The following ACTN1 variants were observed in gnomAD, a reference collection of about 807,000 sequenced individuals.
ACTN1 encodes the protein actinin alpha 1.
Under a neutral mutation model 119.6 loss-of-function variants are expected in ACTN1, and 30 were observed. The ratio of observed to expected loss-of-function variants is 0.25; its 90% CI spans 0.19 to 0.34. The LOEUF (loss-of-function observed/expected upper bound fraction) is 0.34. ACTN1 is among the 10% of genes least tolerant of loss of function. ACTN1 has a pLI of 1.00. For missense variants in ACTN1, 764 were observed against 1,223.4 expected, an observed-to-expected ratio of 0.62 and a Z score of 5.60; for synonymous variants, 429 against 472.6, an observed-to-expected ratio of 0.91 and a Z score of 1.20.
In ACTN1 at chr14:68,882,431, A is replaced by C; in HGVS notation, c.1953+27T>G. On this transcript the variant is annotated intron_variant, in intron 16 of 21. Transcript: ENST00000394419. This position sits in a 1 kb window ranked among gnomAD's most constrained non-coding sequence, Gnocchi z 4.5. ...GTCGGGGGGGAGGGGTGGGAGCCCC[A>C]GCACTGCTTCCCAGCATGGGACCCA... is the stretch of plus-strand genomic sequence containing the variant. 1 of 1,611,870 alleles carries C rather than the reference A, an allele frequency of 6.2e-7. No individual in the cohort carries two copies. Among genetic ancestry groups the C allele is most frequent in the Non-Finnish European group, 8.5e-7 (1 of 1,178,626 alleles).
intron 3 of ACTN1, among the ~76,000 whole-genome samples, chr14:68,917,803 C>T (rs1008618415): frequency 1.3e-5 from 2 of 152,174 alleles, no homozygotes; most frequent in African/African-American, 2.4e-5. Flanking sequence ...TGGTGGCTTG[C>T]GCCTGTAATC....
rs1364105130 is a variant in ACTN1 at position 68,880,023 on chromosome 14, G to A, written c.2219C>T (p.Ala740Val). The A allele has an allele frequency of 6.2e-7, 1 of 1,614,066 alleles. No individual in the cohort carries two copies. Among genetic ancestry groups the A allele is most frequent in the African/African-American group, 1.3e-5 (1 of 74,944 alleles). Residue 740 changes from alanine to valine, a missense_variant, in exon 18 of 22, where the codon GCC becomes GTC. Transcript: ENST00000394419. This position sits in a 1 kb window ranked among gnomAD's most constrained non-coding sequence, Gnocchi z 4.6. ...EVENQILTRD[A>V]KGISQEQMNE... The stretch of plus-strand genomic sequence containing the variant: ...CATCTGCTCCTGGCTGATGCCCTTG[G>A]CATCCCGGGTCAGGATCTGGTTCTC...
chr14:68,927,536 A>C (rs946975493), intron 1 of ACTN1, among the ~76,000 whole-genome samples: 4 of 152,190 alleles, frequency 2.6e-5, no homozygotes, highest in Non-Finnish European at 5.9e-5. Context: ...CTGGATGCAA[A>C]GCTGAGAGGG....
chr14:68,901,196 T>C (rs1448763056), intron 8 of ACTN1, among the ~76,000 whole-genome samples: 1 of 148,304 alleles, frequency 6.7e-6, no homozygotes, highest in Non-Finnish European at 1.5e-5. Flanking sequence ...GCATTTTTTT[T>C]TTGTTTTATG....
intron 14 of ACTN1, among the ~76,000 whole-genome samples, chr14:68,883,692 C>T (rs1266230356): frequency 6.6e-6 from 1 of 152,124 alleles, no homozygotes; most frequent in Non-Finnish European, 1.5e-5. Flanking sequence ...GCAGGAGGAT[C>T]GCTTAAGCCC....
At chr14:68,877,411 AG>A in intron 20 of ACTN1, 171 bp from the exon 21 acceptor site, 1 of 706,648 alleles carries the variant, frequency 1.4e-6, no homozygotes, top group Non-Finnish European at 2.3e-6. Flanking sequence ...AACACCCAAC[AG>A]GGGAGACCCA....
chr14:68,899,269 C>A (rs2033128386), intron 8 of ACTN1, among the ~76,000 whole-genome samples: 1 of 146,012 alleles, frequency 6.8e-6, no homozygotes, highest in Non-Finnish European at 1.5e-5. Flanking sequence ...CACCCACATG[C>A]CACACCTCAC....
In ACTN1 at chr14:68,878,729, G is replaced by C. The variant is rs1005993570; in HGVS notation, c.2362-206C>G. ...CCAAAGACAGGAGGAAGACAGAGCA[G>C]GGAGATGCAAAAATCCACCCATGGG... On this transcript the variant is annotated intron_variant, in intron 19 of 21. Transcript: ENST00000394419. The surrounding 1 kb of genome is among the most constrained non-coding windows in gnomAD (Gnocchi z 4.4). 6.5e-7 allele frequency: 1 copy of C among 1,537,564 alleles called. No homozygotes were observed. The highest frequency in any genetic ancestry group is 2.4e-5 in the East Asian group (1 of 40,840).
Position 68,912,190 on chromosome 14 carries a change from G to A in ACTN1, c.393C>T (p.Ile131=). The A allele has an allele frequency of 1.2e-6, 2 of 1,614,092 alleles. No individual in the cohort carries two copies. The highest frequency in any genetic ancestry group is 1.7e-6 in the Non-Finnish European group (2 of 1,180,012). Residue 131 remains isoleucine, a synonymous_variant, in exon 4 of 22, where the codon ATC becomes ATT. Coordinates refer to ENST00000394419, the MANE Select transcript of ACTN1 (RefSeq NM_001130004.2). ...AGATGTCCTGGATGGCAAAGCGCAGGATGATGGTCCAGATCATGCCCAGGG... is the reference window on the plus strand; with the variant it reads ...AGATGTCCTGGATGGCAAAGCGCAGAATGATGGTCCAGATCATGCCCAGGG... The part of the protein sequence containing the change: ...KMTLGMIWTI[I]LRFAIQDISV...
At chr14:68,960,159 C>T (rs1447030916) in intron 1 of ACTN1, among the ~76,000 whole-genome samples, 2 of 151,610 alleles carry the variant, frequency 1.3e-5, no homozygotes, top group Admixed American at 6.6e-5. Context: ...ACTGCTGTCT[C>T]GGGGTGGCAG....
intron 1 of ACTN1, among the ~76,000 whole-genome samples, chr14:68,951,196 A>G (rs1436419487): frequency 6.6e-6 from 1 of 152,204 alleles, no homozygotes; most frequent in Non-Finnish European, 1.5e-5. Context: ...CCCTGACTCC[A>G]GGGTGACTCA....
intron 3 of ACTN1, among the ~76,000 whole-genome samples, chr14:68,920,267 C>T (rs532578870): frequency 3.9e-5 from 6 of 152,324 alleles, no homozygotes; most frequent in South Asian, 2.1e-4. Flanking sequence ...CTCACAGCCA[C>T]GATGTGTCTT....
At chr14:68,910,094 AG>A in intron 4 of ACTN1, 52 bp from the exon 5 acceptor site, 1 of 1,498,940 alleles carries the variant, frequency 6.7e-7, no homozygotes, top group Non-Finnish European at 9.2e-7. Context: ...CGGTGGAGGG[AG>A]GGATGCCGGC....
rs940417028 is a variant in ACTN1 at position 68,929,343 on chromosome 14, A to G, written c.106-3671T>C. ...AAGGTCAAAGCCACAGGAGAGGCCCATGCTAGAGACCCACGGCCCCAAGAC... is the reference window on the plus strand; with the variant it reads ...AAGGTCAAAGCCACAGGAGAGGCCCGTGCTAGAGACCCACGGCCCCAAGAC... On this transcript the variant is annotated intron_variant, in intron 1 of 21. Coordinates refer to ENST00000394419, the MANE Select transcript of ACTN1 (RefSeq NM_001130004.2). Among the ~76,000 whole-genome samples, 14 of 152,072 alleles carry G rather than the reference A, an allele frequency of 9.2e-5. 1 individual carries two copies. Among genetic ancestry groups the G allele is most frequent in the Admixed American group, 3.9e-4 (6 of 15,280 alleles).
chr14:68,959,311 C>T (rs1278428390), intron 1 of ACTN1, among the ~76,000 whole-genome samples: 1 of 152,174 alleles, frequency 6.6e-6, no homozygotes, highest in Non-Finnish European at 1.5e-5. Context: ...TAACACCATA[C>T]CTGTGGCTTT....
intron 1 of ACTN1, among the ~76,000 whole-genome samples, chr14:68,954,249 T>C (rs2036273086): frequency 6.6e-6 from 1 of 152,212 alleles, no homozygotes; most frequent in African/African-American, 2.4e-5. Flanking sequence ...TTTGTTAAAT[T>C]CCTTCCCCAG....
intron 1 of ACTN1, among the ~76,000 whole-genome samples, chr14:68,971,211 C>G (rs1437053578): frequency 6.6e-6 from 1 of 152,252 alleles, no homozygotes; most frequent in African/African-American, 2.4e-5. Flanking sequence ...ACCAAGAAAA[C>G]TAACAGTCCC....
At chr14:68,970,468 C>T (rs1370861818) in intron 1 of ACTN1, among the ~76,000 whole-genome samples, 2 of 152,198 alleles carry the variant, frequency 1.3e-5, no homozygotes, top group Non-Finnish European at 1.5e-5. Context: ...AAACCTGAGC[C>T]TCGGCTGCCT....
intron 6 of ACTN1, among the ~76,000 whole-genome samples, chr14:68,907,189 G>A (rs2033714741): frequency 6.6e-6 from 1 of 150,406 alleles, no homozygotes; most frequent in Admixed American, 6.6e-5. Flanking sequence ...TTGAACCTGG[G>A]AGGCGGAGGT....
Sources: gnomAD v4.1 joint callset for allele counts (sites outside exome capture counted in the v4.1 genomes callset) on GRCh38, gnomAD v4.1.1 for gene constraint, Gnocchi (gnomAD v3.1) non-coding constraint, MANE v1.5 for transcripts, NCBI Gene and HGNC (gene_info 2026-07-23, HGNC 2026-07-21) for gene names.